The following AFF3 variants were observed in gnomAD, a reference collection of about 807,000 sequenced individuals.
AFF3 encodes ALF transcription elongation factor 3, also known as AF4/FMR2 family member 3.
A neutral mutation model predicts 129.7 loss-of-function variants in AFF3; 32 were observed. That is an observed-to-expected ratio of 0.25 (90% CI 0.19 to 0.33). AFF3 has a LOEUF of 0.33. AFF3 is among the 10% of genes least tolerant of loss of function. The pLI is 1.00. For synonymous variants in AFF3, 644 were observed against 635.4 expected, an observed-to-expected ratio of 1.01 and a Z score of -0.20; for missense variants, 1,373 against 1,592.0, an observed-to-expected ratio of 0.86 and a Z score of 2.34.
At chr2:99,835,785 C>T (rs866210082) in intron 8 of AFF3, among the ~76,000 whole-genome samples, 2 of 152,166 alleles carry the variant, frequency 1.3e-5, no homozygotes, top group Non-Finnish European at 2.9e-5. Context: ...TTCAGCCTTG[C>T]ATATGGACAC....
chr2:99,584,959 T>C lies in AFF3; in HGVS notation c.2592-1960A>G, dbSNP rs533715547. On this transcript the variant is annotated intron_variant, in intron 16 of 24. Coordinates refer to ENST00000672756, the MANE Select transcript of AFF3 (RefSeq NM_001386135.1). ...CAAATGACAAAACCAAGGTTCTGAATGTTATGCAAATGGATACATGTGGGG... is the reference window on the plus strand; with the variant it reads ...CAAATGACAAAACCAAGGTTCTGAACGTTATGCAAATGGATACATGTGGGG... Among the ~76,000 whole-genome samples, 20 of 152,326 alleles carry C rather than the reference T, an allele frequency of 1.3e-4. No individual in the cohort carries two copies. In the South Asian group the frequency reaches 1.9e-3, roughly 14 times the overall value.
chr2:99,950,475 C>G (rs1357222236), intron 7 of AFF3, among the ~76,000 whole-genome samples: 4 of 152,240 alleles, frequency 2.6e-5, no homozygotes, highest in African/African-American at 9.6e-5. Context: ...TCACTGTATT[C>G]TGTATACCAG....
intron 2 of AFF3, chr2:100,106,231 C>G: frequency 2.5e-6 from 3 of 1,183,152 alleles, no homozygotes; most frequent in Non-Finnish European, 3.2e-6. Flanking sequence ...TAAATTAAGA[C>G]AGAGTTGGCA....
intron 8 of AFF3, among the ~76,000 whole-genome samples, chr2:99,833,191 T>C (rs1435004778): frequency 6.6e-6 from 1 of 152,194 alleles, no homozygotes; most frequent in East Asian, 1.9e-4. Context: ...CCCAAGTCAG[T>C]GCCCTCAACT....
At chr2:99,707,239 T>C (rs1387774975) in intron 11 of AFF3, 3 of 985,310 alleles carry the variant, frequency 3.0e-6, no homozygotes, top group Non-Finnish European at 3.6e-6. Context: ...AACAGTGTCA[T>C]ATCTGTGACA....
chr2:99,833,227 G>T (rs1187171226), intron 8 of AFF3, among the ~76,000 whole-genome samples: 2 of 152,140 alleles, frequency 1.3e-5, no homozygotes, highest in Non-Finnish European at 2.9e-5. Flanking sequence ...ACCACAACTG[G>T]AAATCATCCC....
At chr2:100,106,909 G>A in intron 2 of AFF3, 1 of 985,468 alleles carries the variant, frequency 1.0e-6, no homozygotes, top group Non-Finnish European at 1.2e-6. Flanking sequence ...AGAGCTGGTT[G>A]AGGGGTTTAC....
intron 13 of AFF3, among the ~76,000 whole-genome samples, chr2:99,602,586 G>C (rs2105093065): frequency 6.6e-6 from 1 of 152,214 alleles, no homozygotes; most frequent in Non-Finnish European, 1.5e-5. Flanking sequence ...TAACAAAATT[G>C]AAACACACCA....
Position 99,568,922 on chromosome 2 carries a change from GGAGA to G in AFF3, c.2919-11_2919-8del. ...ATAATCGGCACTGCGAGGCCTACAA[GGAGA>G]GAATGATATTAAACGTCATTATGGC... On this transcript the variant is annotated splice_polypyrimidine_tract_variant and splice_region_variant and intron_variant, in intron 18 of 24. Coordinates refer to ENST00000672756, the MANE Select transcript of AFF3 (RefSeq NM_001386135.1). 1 of 1,613,666 alleles carries G rather than the reference GGAGA, an allele frequency of 6.2e-7. No homozygotes were observed. Among genetic ancestry groups the G allele is most frequent in the Non-Finnish European group, 8.5e-7 (1 of 1,179,636 alleles).
chr2:100,000,233 T>G (rs1158026643), intron 7 of AFF3, among the ~76,000 whole-genome samples: 1 of 152,220 alleles, frequency 6.6e-6, no homozygotes, highest in Non-Finnish European at 1.5e-5. Context: ...TCAAATCTTG[T>G]TGATTTAGTA....
chr2:99,787,685 T>C (rs897142248), intron 8 of AFF3, among the ~76,000 whole-genome samples: 1 of 152,144 alleles, frequency 6.6e-6, no homozygotes, highest in Non-Finnish European at 1.5e-5. Context: ...AGGCTGGGTT[T>C]CAAATTTGGA....
In AFF3 at chr2:99,551,128, T is replaced by G; in HGVS notation, c.*346A>C. ...GCACTGGAATGGAATAGAAAGTGTGTGTCTGTGATTGTGTGTGAGTGTACG... is the reference window on the plus strand; with the variant it reads ...GCACTGGAATGGAATAGAAAGTGTGGGTCTGTGATTGTGTGTGAGTGTACG... On this transcript the variant is annotated 3_prime_UTR_variant, in exon 25 of 25. Transcript: ENST00000672756. 2.3e-6 allele frequency: 1 copy of G among 436,032 alleles called. No individual in the cohort carries two copies. The allele number at this position is 436,032 out of a possible 1,614,324, so 27.0% of individuals were successfully genotyped here.
intron 7 of AFF3, among the ~76,000 whole-genome samples, chr2:99,908,850 A>G (rs1342595427): frequency 2.6e-5 from 4 of 152,220 alleles, no homozygotes; most frequent in Non-Finnish European, 5.9e-5. Context: ...GATGTGGAGA[A>G]ATAGGAACAC....
intron 8 of AFF3, among the ~76,000 whole-genome samples, chr2:99,807,957 G>A (rs961519093): frequency 1.3e-5 from 2 of 152,120 alleles, no homozygotes; most frequent in African/African-American, 4.8e-5. Flanking sequence ...ATTAATAAGT[G>A]CCTGTCAATC....
intron 8 of AFF3, among the ~76,000 whole-genome samples, chr2:99,756,588 A>G (rs2105236791): frequency 6.6e-6 from 1 of 152,046 alleles, no homozygotes; most frequent in East Asian, 1.9e-4. Flanking sequence ...TCAGTATCTC[A>G]CTGGTATTGG....
intron 7 of AFF3, among the ~76,000 whole-genome samples, chr2:99,986,367 G>A (rs1679878156): frequency 1.3e-5 from 2 of 151,796 alleles, no homozygotes; most frequent in Non-Finnish European, 2.9e-5. Flanking sequence ...ACACCTTTAT[G>A]ACACTGTAAT....
Position 99,878,508 on chromosome 2 carries a change from A to T in AFF3, c.874-40984T>A, listed in dbSNP as rs554695019. On this transcript the variant is annotated intron_variant, in intron 7 of 24. Coordinates refer to ENST00000672756, the MANE Select transcript of AFF3 (RefSeq NM_001386135.1). ...ATTTCTCCCTTTAATATGTTACTTT[A>T]TAACAAGTAGATTTTAATAAAAATT... Among the ~76,000 whole-genome samples, 122 of 152,326 alleles carry T rather than the reference A, an allele frequency of 8.0e-4. 1 individual carries two copies. The highest frequency in any genetic ancestry group is 6.8e-3 in the Middle Eastern group (2 of 294).
At chr2:99,806,486 C>T (rs565103472) in intron 8 of AFF3, among the ~76,000 whole-genome samples, 3 of 152,298 alleles carry the variant, frequency 2.0e-5, no homozygotes, top group East Asian at 3.9e-4. Flanking sequence ...GACCCCTGAA[C>T]AAATTCAATG....
intron 21 of AFF3, 81 bp downstream of exon 21, chr2:99,560,284 C>T (rs1027485630): frequency 1.4e-6 from 2 of 1,463,090 alleles, no homozygotes; most frequent in Non-Finnish European, 1.9e-6. Context: ...ATTGGGCAAA[C>T]ACTATGCCTT....
Sources: allele counts gnomAD v4.1 joint callset (sites outside exome capture counted in the v4.1 genomes callset), GRCh38; gene constraint gnomAD v4.1.1; transcripts MANE v1.5; gene names NCBI Gene and HGNC (gene_info 2026-07-23, HGNC 2026-07-21).